The following DRP2 variants were observed in gnomAD, a reference collection of about 807,000 sequenced individuals.
DRP2 encodes the protein dystrophin-related protein 2.
DRP2 carries 29 observed loss-of-function variants against 78.2 expected under a neutral mutation model. The observed-to-expected ratio is 0.37, with a 90% CI of 0.28 to 0.51. The LOEUF is 0.51. Among genes scored for constraint, DRP2 ranks in the 20% least tolerant of loss-of-function variants. The probability of loss-of-function intolerance (pLI) is 0.94; values close to 1 mark genes in which losing one functional copy is unlikely to be tolerated. For missense variants in DRP2, 686 were observed against 770.6 expected (o/e 0.89, Z 1.30); for synonymous variants, 290 against 281.9 (o/e 1.03, Z -0.29).
In DRP2 at chrX:101,254,638, C is replaced by T. The variant is rs141250846; in HGVS notation, c.2114+77C>T. On this transcript the variant is annotated intron_variant, in intron 18 of 23. Transcript: ENST00000395209. ...CGTATGCTGTGAAGGGGCTGAGTCCCGAGTGGGCTAGGAGAATGTTCCAAG... is the reference window on the plus strand; with the variant it reads ...CGTATGCTGTGAAGGGGCTGAGTCCTGAGTGGGCTAGGAGAATGTTCCAAG... The T allele has an allele frequency of 3.3e-3, 3,860 of 1,176,327 alleles. 83 individuals are homozygous for T. In the African/African-American group the frequency reaches 0.059, roughly 18 times the overall value.
chrX:101,258,687 C>A, intron 22 of DRP2, 141 bp downstream of exon 22: 1 of 523,325 alleles, frequency 1.9e-6, no homozygotes, highest in Non-Finnish European at 3.1e-6. Context: ...GAGAACTGGG[C>A]CTGCGGTTGG....
chrX:101,260,140 G>C lies in DRP2; in HGVS notation c.2720G>C (p.Gly907Ala). The C allele has an allele frequency of 8.3e-7, 1 of 1,211,477 alleles. No homozygotes were observed. Among genetic ancestry groups the C allele is most frequent in the Non-Finnish European group, 1.1e-6 (1 of 895,403 alleles). The change falls in exon 23 of 24, where the codon GGA becomes GCA. Residue 907 changes from glycine (G) to alanine (A), a missense_variant. Transcript: ENST00000395209. ...QSEGSHPREK[G>A]QTTPDTEAAD... ...GAAGGCAGTCACCCCCGGGAGAAGG[G>C]ACAGACTACTCCAGATACCGAGGCT...
In DRP2 at chrX:101,241,791, G is replaced by A. The variant is rs771984587; in HGVS notation, c.683G>A (p.Arg228Gln). The change falls in exon 7 of 24, where the codon CGG becomes CAG. Residue 228 changes from arginine (R) to glutamine (Q), a missense_variant. Transcript: ENST00000395209. ...GTGGACCAGCACCGTCACATTGAGC[G>A]GACTCTGGAGCAGCTCTTGGAGATT... ...RCVDQHRHIERTLEQLLEIQG... is the reference protein window; with the variant it reads ...RCVDQHRHIEQTLEQLLEIQG... 39 of 1,209,594 alleles carry A rather than the reference G, an allele frequency of 3.2e-5. No homozygotes were observed. Among genetic ancestry groups the A allele is most frequent in the African/African-American group, 7.0e-5 (4 of 57,062 alleles).
rs748540908 is a variant in DRP2 at position 101,239,044 on chromosome X, G to A, written c.502G>A (p.Ala168Thr). ...CTATTCTGTGCTGGAGTCAGCTCAG[G>A]CCTTCCTGTCCCAGCACCCATTTGA... ...YIYSVLESAQAFLSQHPFEEL... is the reference protein window; with the variant it reads ...YIYSVLESAQTFLSQHPFEEL... The change falls in exon 6 of 24, where the codon GCC becomes ACC. Residue 168 changes from alanine to threonine, a missense_variant. Physicochemically the swap from Ala to Thr is moderately conservative, Grantham distance 58. Coordinates refer to ENST00000395209, the MANE Select transcript of DRP2 (RefSeq NM_001939.3). 1 of 1,209,148 alleles carries A rather than the reference G, an allele frequency of 8.3e-7. No homozygotes were observed. The highest frequency in any genetic ancestry group is 1.8e-5 in the African/African-American group (1 of 57,040).
At chrX:101,241,451 T>C (rs1415888836) in intron 6 of DRP2, among the ~76,000 whole-genome samples, 2 of 109,046 alleles carry the variant, frequency 1.8e-5, no homozygotes, top group African/African-American at 7.0e-5. Flanking sequence ...TCTACAATGA[T>C]TTAAAAATAA....
chrX:101,256,922 A>T, intron 21 of DRP2, among the ~76,000 whole-genome samples: 1 of 107,549 alleles, frequency 9.3e-6, no homozygotes, highest in Admixed American at 1.0e-4. Flanking sequence ...GAGAGAATGC[A>T]TAGAGAAAAC....
At chrX:101,230,197 T>A (rs183199579) in intron 2 of DRP2, among the ~76,000 whole-genome samples, 23 of 112,203 alleles carry the variant, frequency 2.0e-4, no homozygotes, top group African/African-American at 7.4e-4. Context: ...TTTTGGAGAA[T>A]CACTCTATAA....
At position 101,262,091 on chromosome X, in the gene DRP2, C is replaced by T. The variant is rs193155193; in HGVS notation, c.*1470C>T. On this transcript the variant is annotated 3_prime_UTR_variant, in exon 24 of 24. Transcript: ENST00000395209. The stretch of plus-strand genomic sequence containing the variant: ...TACCTCTTGAAGTATTAATGTTCTG[C>T]CTTGCTCTTTGTTAGCCCCAGCCTC... 5 of 112,301 alleles carry T rather than the reference C, an allele frequency of 4.5e-5. No individual in the cohort carries two copies. Among genetic ancestry groups the T allele is most frequent in the African/African-American group, 1.3e-4 (4 of 30,933 alleles). 9.3% of individuals were successfully genotyped at this position (112,301 alleles called of 1,213,427 possible).
Position 101,250,467 on chromosome X carries a change from C to A in DRP2, c.1585C>A (p.Arg529Ser). The change falls in exon 15 of 24, where the codon CGC (arginine) becomes AGC (serine). Residue 529 changes from arginine (R) to serine (S), a missense_variant. Transcript: ENST00000395209. The part of the protein sequence containing the change: ...VANSGSQCDQ[R>S]HLGVLLHEAI... ...CAACTCAGGCAGCCAGTGTGACCAG[C>A]GCCACCTTGGTGTCCTGCTTCATGA... 8.3e-7 allele frequency: 1 copy of A among 1,211,598 alleles called. No individual in the cohort carries two copies. The highest frequency in any genetic ancestry group is 1.1e-6 in the Non-Finnish European group (1 of 895,484).
chrX:101,257,449 AAG>A (rs1175290149), intron 21 of DRP2, among the ~76,000 whole-genome samples: 2 of 107,992 alleles, frequency 1.9e-5, no homozygotes, highest in East Asian at 5.7e-4. Flanking sequence ...AAAAAAAAAA[AAG>A]AGAGAGTAAG....
At chrX:101,243,318 C>T (rs150426405) in intron 9 of DRP2, among the ~76,000 whole-genome samples, 7,198 of 103,402 alleles carry the variant, frequency 0.07, 248 homozygotes, top group Middle Eastern at 0.13. Context: ...CCCAGCTACT[C>T]GGAAGGCTGA....
rs1266999869 is a variant in DRP2, at chrX:101,231,626, C to T, written c.-22C>T. The stretch of plus-strand genomic sequence containing the variant: ...AGTTGGTGCACTGCCTATCCTCATC[C>T]CCCCCATGAGCCTTGGTTTTTATGC... On this transcript the variant is annotated 5_prime_UTR_variant, in exon 3 of 24. Coordinates refer to ENST00000395209, the MANE Select transcript of DRP2 (RefSeq NM_001939.3). 3.4e-6 allele frequency: 4 copies of T among 1,161,532 alleles called. No homozygotes were observed. Among genetic ancestry groups the T allele is most frequent in the Non-Finnish European group, 4.7e-6 (4 of 851,458 alleles).
intron 9 of DRP2, 73 bp downstream of exon 9, chrX:101,243,055 G>A: frequency 3.0e-6 from 3 of 1,015,776 alleles, no homozygotes; most frequent in Non-Finnish European, 2.8e-6. Context: ...GTTATCCCCT[G>A]GGGCCCTGGT....
intron 6 of DRP2, among the ~76,000 whole-genome samples, chrX:101,240,350 C>CTCAGCT (rs1347845337): frequency 8.9e-6 from 1 of 111,969 alleles, no homozygotes; most frequent in Admixed American, 9.5e-5. Flanking sequence ...CAGCCTCAGC[C>CTCAGCT]TCAGCATCCT....
At chrX:101,221,379 G>T (rs1040922014) in intron 1 of DRP2, among the ~76,000 whole-genome samples, 2 of 112,215 alleles carry the variant, frequency 1.8e-5, no homozygotes. Context: ...TAAGGTTTGC[G>T]TGGGGAGATG....
intron 21 of DRP2, among the ~76,000 whole-genome samples, chrX:101,257,106 G>A (rs1462857374): frequency 1.8e-5 from 2 of 110,377 alleles, no homozygotes; most frequent in East Asian, 5.7e-4. Flanking sequence ...TTTCCATAAA[G>A]TAAAGGTGGC....
intron 10 of DRP2, 44 bp from the exon 11 acceptor site, chrX:101,245,344 G>T (rs1987573945): frequency 8.8e-7 from 1 of 1,135,866 alleles, no homozygotes; most frequent in Non-Finnish European, 1.2e-6. Flanking sequence ...GTGGGGGTGG[G>T]TGGGTGGTAT....
At chrX:101,252,506 C>T in intron 16 of DRP2, 99 bp from the exon 17 acceptor site, 2 of 651,311 alleles carry the variant, frequency 3.1e-6, no homozygotes, top group Non-Finnish European at 4.9e-6. Context: ...TCATTCATCC[C>T]CTTCTACTGT....
At position 101,256,103 on chromosome X, in the gene DRP2, C is replaced by T. The variant is rs372139700; in HGVS notation, c.2247-15C>T. 1.3e-5 allele frequency: 15 copies of T among 1,159,669 alleles called. No homozygotes were observed. In the African/African-American group the frequency reaches 2.7e-4, roughly 21 times the overall value. On this transcript the variant is annotated splice_polypyrimidine_tract_variant and intron_variant, in intron 20 of 23. Transcript: ENST00000395209. The stretch of plus-strand genomic sequence containing the variant: ...ACAACTGGTCACCTACTCTGCTTTC[C>T]CCACACCCATGCAGAGACGAGGACC...
Sources: gnomAD v4.1 joint callset for allele counts (sites outside exome capture counted in the v4.1 genomes callset) on GRCh38, gnomAD v4.1.1 for gene constraint, MANE v1.5 for transcripts, NCBI Gene and HGNC (gene_info 2026-07-23, HGNC 2026-07-21) for gene names.